SHISA6: variants seen among roughly 807,000 people sequenced by gnomAD.
The protein encoded by SHISA6 is protein shisa-6.
SHISA6 carries 22 observed loss-of-function variants against 47.9 expected under a neutral mutation model. That is an observed-to-expected ratio of 0.46 (90% confidence interval 0.33 to 0.66). The LOEUF is 0.66. Among genes scored for constraint, SHISA6 ranks in the 30% least tolerant of loss-of-function variants. The pLI, the probability that SHISA6 is intolerant of heterozygous loss-of-function variation, is 0.02. For missense variants in SHISA6, 680 were observed against 764.6 expected (o/e 0.89, Z 1.30); for synonymous variants, 388 against 337.8 (o/e 1.15, Z -1.63).
chr17:11,542,184 T>C (rs534959713), intron 3 of SHISA6, among the ~76,000 whole-genome samples: 1 of 152,218 alleles, frequency 6.6e-6, no homozygotes, highest in African/African-American at 2.4e-5. Context: ...GCTACTGTGG[T>C]CAAAACAGAC....
At chr17:11,329,372 G>T (rs1341759877) in intron 2 of SHISA6, among the ~76,000 whole-genome samples, 1 of 152,080 alleles carries the variant, frequency 6.6e-6, no homozygotes, top group Non-Finnish European at 1.5e-5. Flanking sequence ...CCAAATTTGT[G>T]GAAATAATGT....
chr17:11,366,560 C>T (rs536285839), intron 2 of SHISA6, among the ~76,000 whole-genome samples: 8 of 152,198 alleles, frequency 5.3e-5, no homozygotes, highest in African/African-American at 1.7e-4. Flanking sequence ...TCTAGAGAGT[C>T]GATGGAAGTG....
intron 2 of SHISA6, among the ~76,000 whole-genome samples, chr17:11,275,148 A>C (rs912823581): frequency 2.8e-5 from 4 of 143,852 alleles, no homozygotes; most frequent in African/African-American, 1.0e-4. Flanking sequence ...GAGCAGGAGG[A>C]ATTTTTTTTT....
intron 3 of SHISA6, 133 bp downstream of exon 3, chr17:11,379,642 C>T (rs966160792): frequency 1.0e-5 from 6 of 594,178 alleles, no homozygotes; most frequent in Non-Finnish European, 1.7e-5. Context: ...GCAGCTTGTC[C>T]TGGTGACATG....
At chr17:11,470,346 C>T (rs960518501) in intron 3 of SHISA6, among the ~76,000 whole-genome samples, 4 of 152,142 alleles carry the variant, frequency 2.6e-5, no homozygotes, top group Non-Finnish European at 4.4e-5. Flanking sequence ...CTCAAATGGC[C>T]AATTATGCAC....
At chr17:11,463,090 A>G (rs916416718) in intron 3 of SHISA6, among the ~76,000 whole-genome samples, 1 of 152,240 alleles carries the variant, frequency 6.6e-6, no homozygotes, top group African/African-American at 2.4e-5. Flanking sequence ...TCAAAGGATT[A>G]TCCAGGAACA....
chr17:11,521,583 A>T (rs990455197), intron 3 of SHISA6, among the ~76,000 whole-genome samples: 1 of 152,018 alleles, frequency 6.6e-6, no homozygotes, highest in African/African-American at 2.4e-5. Flanking sequence ...CAGGAGTTCG[A>T]GACCAGCCTG....
chr17:11,393,270 TTCTC>T (rs1251577996), intron 3 of SHISA6, among the ~76,000 whole-genome samples: 1 of 152,178 alleles, frequency 6.6e-6, no homozygotes, highest in Non-Finnish European at 1.5e-5. Context: ...CTTGACATCT[TTCTC>T]TCTCTCACTG....
intron 3 of SHISA6, among the ~76,000 whole-genome samples, chr17:11,399,412 A>T (rs535243479): frequency 2.2e-4 from 34 of 152,102 alleles, no homozygotes; most frequent in Non-Finnish European, 4.4e-4. Context: ...TCCATTTTTT[A>T]AAATTTTTGT....
chr17:11,306,186 C>T (rs1283973898), intron 2 of SHISA6, among the ~76,000 whole-genome samples: 1 of 152,142 alleles, frequency 6.6e-6, no homozygotes, highest in East Asian at 1.9e-4. Context: ...AGTTCAGGAT[C>T]CCTGGATCTT....
At chr17:11,463,237 G>A (rs898684779) in intron 3 of SHISA6, among the ~76,000 whole-genome samples, 1 of 152,130 alleles carries the variant, frequency 6.6e-6, no homozygotes, top group East Asian at 1.9e-4. Context: ...ACTTCAAAAG[G>A]GTATTGGATC....
chr17:11,382,066 C>T (rs758285266), intron 3 of SHISA6, among the ~76,000 whole-genome samples: 22 of 150,898 alleles, frequency 1.5e-4, no homozygotes, highest in Non-Finnish European at 2.8e-4. Context: ...ATGGAGATTC[C>T]GTTTTTTAGA....
At chr17:11,326,423 T>C (rs907487191) in intron 2 of SHISA6, among the ~76,000 whole-genome samples, 1 of 152,148 alleles carries the variant, frequency 6.6e-6, no homozygotes, top group African/African-American at 2.4e-5. Flanking sequence ...TTCATTTGTG[T>C]GTGTTGTAGT....
chr17:11,283,107 T>G (rs1352257576), intron 2 of SHISA6, among the ~76,000 whole-genome samples: 1 of 152,232 alleles, frequency 6.6e-6, no homozygotes, highest in Non-Finnish European at 1.5e-5. Context: ...TCATAATCTC[T>G]TAACTTCGCA....
chr17:11,453,397 G>A (rs536045923), intron 3 of SHISA6, among the ~76,000 whole-genome samples: 3 of 152,144 alleles, frequency 2.0e-5, no homozygotes, highest in East Asian at 3.9e-4. Context: ...GGAGTTTATC[G>A]TCCTTGCTTC....
intron 2 of SHISA6, among the ~76,000 whole-genome samples, chr17:11,277,270 T>TCA (rs1196457220): frequency 1.8e-4 from 21 of 114,048 alleles, no homozygotes; most frequent in African/African-American, 7.1e-4. Flanking sequence ...TCTCTCTCTC[T>TCA]CTCTCTCTCT....
chr17:11,533,482 G>C (rs926305963), intron 3 of SHISA6, among the ~76,000 whole-genome samples: 4 of 151,316 alleles, frequency 2.6e-5, no homozygotes, highest in African/African-American at 9.7e-5. Context: ...CTTTCTTTCT[G>C]TGAAAGAAGT....
At chr17:11,405,594 C>T (rs996396562) in intron 3 of SHISA6, among the ~76,000 whole-genome samples, 12 of 151,932 alleles carry the variant, frequency 7.9e-5, no homozygotes, top group Non-Finnish European at 1.8e-4. Context: ...ACAAGGTCAG[C>T]AGTTCGAGAC....
rs183303003 is a variant in SHISA6 at position 11,287,380 on chromosome 17, A to G, written c.799+23854A>G. 2.9e-3 allele frequency among the ~76,000 whole-genome samples: 441 copies of G among 152,090 alleles called. 2 individuals are homozygous for G. The highest frequency in any genetic ancestry group is 8.1e-3 in the African/African-American group (336 of 41,514). On this transcript the variant is annotated intron_variant, in intron 2 of 5. Transcript: ENST00000441885. ...TTAGAATGAGATTGTACTTTATACAATATTTCAAAATTTGCTCTTCCCTGG... is the reference window on the plus strand; with the variant it reads ...TTAGAATGAGATTGTACTTTATACAGTATTTCAAAATTTGCTCTTCCCTGG...
Sources: gnomAD v4.1 joint callset for allele counts (sites outside exome capture counted in the v4.1 genomes callset) on GRCh38, gnomAD v4.1.1 for gene constraint, MANE v1.5 for transcripts, NCBI Gene and HGNC (gene_info 2026-07-23, HGNC 2026-07-21) for gene names.